The following FBXW8 variants were observed in gnomAD, a reference collection of about 807,000 sequenced individuals.
The protein encoded by FBXW8 is F-box and WD repeat domain containing 8, also known as F-box/WD repeat-containing protein 8.
In FBXW8, 57 loss-of-function variants were observed where a neutral mutation model predicts 65.3. The ratio of observed to expected loss-of-function variants is 0.87; its 90% confidence interval spans 0.71 to 1.09. FBXW8 has a LOEUF of 1.09. FBXW8 is among the 50% of genes least tolerant of loss of function. FBXW8 has a pLI of 0.00. For synonymous variants in FBXW8, 308 were observed against 330.2 expected, an observed-to-expected ratio of 0.93 and a Z score of 0.73; for missense variants, 777 against 814.8, an observed-to-expected ratio of 0.95 and a Z score of 0.57.
intron 5 of FBXW8, among the ~76,000 whole-genome samples, chr12:116,971,270 G>A (rs961877472): frequency 6.6e-6 from 1 of 151,440 alleles, no homozygotes; most frequent in African/African-American, 2.4e-5. Flanking sequence ...GAGGTGGGAG[G>A]ATCACTTGAG....
intron 1 of FBXW8, among the ~76,000 whole-genome samples, chr12:116,925,238 G>C (rs1881227505): frequency 1.3e-5 from 2 of 152,006 alleles, no homozygotes; most frequent in Admixed American, 1.3e-4. Context: ...GGCTGCCTTA[G>C]TGGGGTGGGA....
chr12:116,922,569 C>A (rs554245361), intron 1 of FBXW8, among the ~76,000 whole-genome samples: 1 of 152,306 alleles, frequency 6.6e-6, no homozygotes, highest in East Asian at 1.9e-4. Flanking sequence ...TAGTAATTAT[C>A]TGTTCTTCTA....
intron 6 of FBXW8, chr12:116,986,204 T>A (rs1246416565): frequency 6.6e-6 from 1 of 152,228 alleles, no homozygotes; most frequent in Non-Finnish European, 1.5e-5. Flanking sequence ...CTGTTGGGAA[T>A]CTTCTTAGAC....
chr12:116,943,661 A>C (rs764951953), intron 2 of FBXW8, among the ~76,000 whole-genome samples: 1 of 152,140 alleles, frequency 6.6e-6, no homozygotes, highest in Non-Finnish European at 1.5e-5. Context: ...GGGAGAGGTT[A>C]GGGCCTTCTC....
At chr12:117,001,836 T>G (rs909398835) in intron 7 of FBXW8, among the ~76,000 whole-genome samples, 10 of 152,204 alleles carry the variant, frequency 6.6e-5, no homozygotes, top group Non-Finnish European at 1.2e-4. Flanking sequence ...TATGTGAGCA[T>G]TAACCAGGTC....
At chr12:116,958,423 T>A (rs1041131444) in intron 4 of FBXW8, among the ~76,000 whole-genome samples, 1 of 152,238 alleles carries the variant, frequency 6.6e-6, no homozygotes, top group African/African-American at 2.4e-5. Flanking sequence ...TTTCTTGAAA[T>A]GTGGACACTG....
chr12:116,948,706 C>T (rs916859518), intron 3 of FBXW8: 5 of 152,216 alleles, frequency 3.3e-5, no homozygotes, highest in Non-Finnish European at 5.9e-5. Flanking sequence ...CAACCTCCCA[C>T]ATGTAAATAC....
At chr12:117,007,003 C>T (rs1014012988) in intron 7 of FBXW8, among the ~76,000 whole-genome samples, 12 of 152,032 alleles carry the variant, frequency 7.9e-5, no homozygotes, top group African/African-American at 2.9e-4. Flanking sequence ...TGTATACACA[C>T]AGAGGCAGAT....
intron 4 of FBXW8, among the ~76,000 whole-genome samples, chr12:116,956,836 C>G (rs1050354012): frequency 2.6e-5 from 4 of 151,586 alleles, no homozygotes; most frequent in African/African-American, 7.3e-5. Context: ...GGCATGGTGA[C>G]ACGTGCCTGT....
At chr12:116,994,226 G>C (rs1953320950) in intron 7 of FBXW8, among the ~76,000 whole-genome samples, 1 of 152,078 alleles carries the variant, frequency 6.6e-6, no homozygotes, top group African/African-American at 2.4e-5. Flanking sequence ...AGATGGTACT[G>C]GTGTAAAAGT....
rs1881462849 is a variant in FBXW8, at chr12:116,928,024, A to G, written c.320A>G (p.Asn107Ser). 5.1e-6 allele frequency: 8 copies of G among 1,573,880 alleles called. No individual in the cohort carries two copies. The highest frequency in any genetic ancestry group is 6.9e-6 in the Non-Finnish European group (8 of 1,158,776). The change falls in exon 2 of 11, where the codon AAT (asparagine) becomes AGT (serine). Residue 107 changes from asparagine (N) to serine (S), a missense_variant and splice_region_variant. By Grantham distance (46) the Asn-to-Ser change is conservative. Coordinates refer to ENST00000652555, the MANE Select transcript of FBXW8 (RefSeq NM_153348.3). ...TCTTTCTTTTTTTTTTCCCCTCAGAATGAAATGAATGATGTGCCTTTCTTT... is the reference window on the plus strand; with the variant it reads ...TCTTTCTTTTTTTTTTCCCCTCAGAGTGAAATGAATGATGTGCCTTTCTTT... ...QLVDQLIRDLNEMNDVPFFDI... is the reference protein window; with the variant it reads ...QLVDQLIRDLSEMNDVPFFDI...
chr12:116,927,883 T>C (rs1881449590), intron 1 of FBXW8, 140 bp from the exon 2 acceptor site: 1 of 600,506 alleles, frequency 1.7e-6, no homozygotes, highest in Admixed American at 3.1e-5. Context: ...TGAAACAGTA[T>C]GGATGCCTCC....
chr12:117,013,244 C>CA (rs1953869344), intron 8 of FBXW8, among the ~76,000 whole-genome samples: 2 of 147,826 alleles, frequency 1.4e-5, no homozygotes, highest in Non-Finnish European at 3.0e-5. Context: ...TCCATCATCT[C>CA]AAAAAATAAA....
chr12:116,932,682 C>T (rs1213534679), intron 2 of FBXW8, among the ~76,000 whole-genome samples: 5 of 152,078 alleles, frequency 3.3e-5, no homozygotes, highest in African/African-American at 7.2e-5. Context: ...ACTACAGGTG[C>T]GCCACCATGC....
At chr12:116,956,302 A>G (rs1883644658) in intron 4 of FBXW8, among the ~76,000 whole-genome samples, 1 of 152,114 alleles carries the variant, frequency 6.6e-6, no homozygotes, top group Non-Finnish European at 1.5e-5. Context: ...GCTGCAAACC[A>G]TTAGCGCTCT....
At chr12:116,919,569 A>G (rs1880719066) in intron 1 of FBXW8, among the ~76,000 whole-genome samples, 1 of 152,168 alleles carries the variant, frequency 6.6e-6, no homozygotes, top group African/African-American at 2.4e-5. Flanking sequence ...TCTTTACTGA[A>G]GCTTATCACC....
At chr12:116,942,537 G>A (rs1452506362) in intron 2 of FBXW8, among the ~76,000 whole-genome samples, 1 of 151,528 alleles carries the variant, frequency 6.6e-6, no homozygotes, top group African/African-American at 2.4e-5. Context: ...ACCATGTCCA[G>A]CTAGTTTTTT....
intron 2 of FBXW8, among the ~76,000 whole-genome samples, chr12:116,935,579 G>A (rs1292882860): frequency 1.3e-5 from 2 of 152,200 alleles, no homozygotes; most frequent in African/African-American, 4.8e-5. Flanking sequence ...TTTAATTCAT[G>A]TGATTGTTTT....
intron 4 of FBXW8, chr12:116,950,198 A>C: frequency 6.7e-6 from 1 of 150,328 alleles, no homozygotes; most frequent in African/African-American, 2.5e-5. Flanking sequence ...TTTTTTCTCC[A>C]TGGCCAACAC....
Sources: allele counts gnomAD v4.1 joint callset (sites outside exome capture counted in the v4.1 genomes callset), GRCh38; gene constraint gnomAD v4.1.1; transcripts MANE v1.5; gene names NCBI Gene and HGNC (gene_info 2026-07-23, HGNC 2026-07-21).